CCSER1: variants seen among roughly 807,000 people sequenced by gnomAD.
The protein encoded by CCSER1 is serine-rich coiled-coil domain-containing protein 1.
In CCSER1, 41 loss-of-function variants were observed where a neutral mutation model predicts 82.0. The observed-to-expected ratio is 0.50, with a 90% CI of 0.39 to 0.65. The LOEUF is 0.65. Ranked by LOEUF, CCSER1 falls within the 30% of genes least tolerant of loss-of-function variation. The pLI is 0.00. For missense variants in CCSER1, 1,119 were observed against 1,064.2 expected, an observed-to-expected ratio of 1.05 and a Z score of -0.72; for synonymous variants, 414 against 383.9, an observed-to-expected ratio of 1.08 and a Z score of -0.92.
chr4:90,948,644 G>A (rs1732546077), intron 9 of CCSER1, among the ~76,000 whole-genome samples: 1 of 151,906 alleles, frequency 6.6e-6, no homozygotes, highest in Non-Finnish European at 1.5e-5. Flanking sequence ...TGTAGATTCT[G>A]AAATTTTAAG....
chr4:90,463,540 A>C (rs1349763359), intron 4 of CCSER1, among the ~76,000 whole-genome samples: 5 of 152,208 alleles, frequency 3.3e-5, no homozygotes, highest in Non-Finnish European at 7.4e-5. Flanking sequence ...TTTGTTAAAT[A>C]ATGTATTCTT....
chr4:90,815,730 C>T, intron 7 of CCSER1, 32 bp from the exon 8 acceptor site: 1 of 1,487,910 alleles, frequency 6.7e-7, no homozygotes, highest in Non-Finnish European at 9.2e-7. Context: ...AAGGGCTAAG[C>T]CTATTATGCT....
At chr4:91,540,115 A>G (rs1761511335) in intron 10 of CCSER1, among the ~76,000 whole-genome samples, 1 of 152,122 alleles carries the variant, frequency 6.6e-6, no homozygotes, top group African/African-American at 2.4e-5. Context: ...AGAAAATTGA[A>G]TGAAAACTAT....
At chr4:90,651,186 T>C (rs1427582861) in intron 6 of CCSER1, among the ~76,000 whole-genome samples, 1 of 152,186 alleles carries the variant, frequency 6.6e-6, no homozygotes, top group African/African-American at 2.4e-5. Context: ...TTCTATTTCA[T>C]GGAAAATAAA....
At chr4:90,637,360 A>T (rs538813040) in intron 6 of CCSER1, among the ~76,000 whole-genome samples, 1 of 152,178 alleles carries the variant, frequency 6.6e-6, no homozygotes, top group Non-Finnish European at 1.5e-5. Context: ...CAAAATGCAC[A>T]ATGTCTTTTG....
intron 7 of CCSER1, among the ~76,000 whole-genome samples, chr4:90,728,692 A>G (rs537184934): frequency 1.3e-5 from 2 of 152,190 alleles, no homozygotes; most frequent in South Asian, 4.2e-4. Flanking sequence ...CATATATTCT[A>G]CCATGAAATA....
At chr4:90,687,900 C>G (rs533906249) in intron 6 of CCSER1, among the ~76,000 whole-genome samples, 1 of 152,118 alleles carries the variant, frequency 6.6e-6, no homozygotes, top group African/African-American at 2.4e-5. Flanking sequence ...AAATAATTTT[C>G]GGATACCTGC....
At chr4:90,525,469 A>T (rs1009694370) in intron 5 of CCSER1, among the ~76,000 whole-genome samples, 4 of 152,166 alleles carry the variant, frequency 2.6e-5, no homozygotes, top group African/African-American at 9.7e-5. Context: ...CTTCAGGCTC[A>T]TTATAAAAAC....
chr4:90,602,369 C>T (rs1784130655), intron 5 of CCSER1, among the ~76,000 whole-genome samples: 1 of 152,000 alleles, frequency 6.6e-6, no homozygotes, highest in South Asian at 2.1e-4. Context: ...TATCACCTTT[C>T]ATTATTTTAT....
At chr4:91,535,311 C>CA (rs1033386308) in intron 10 of CCSER1, among the ~76,000 whole-genome samples, 1 of 151,518 alleles carries the variant, frequency 6.6e-6, no homozygotes. Context: ...TTAATTTAAC[C>CA]AAAAAAACTT....
At chr4:90,790,536 G>C (rs1189621498) in intron 7 of CCSER1, among the ~76,000 whole-genome samples, 1 of 123,802 alleles carries the variant, frequency 8.1e-6, no homozygotes, top group African/African-American at 3.6e-5. Context: ...TGACCATTGG[G>C]ATTCTGGATA....
At chr4:91,156,573 A>G (rs941578543) in intron 10 of CCSER1, among the ~76,000 whole-genome samples, 2 of 151,638 alleles carry the variant, frequency 1.3e-5, no homozygotes, top group African/African-American at 4.8e-5. Context: ...AAGTTAAAAG[A>G]ATTAAATTTT....
chr4:91,595,153 C>T (rs1206176087), intron 10 of CCSER1, among the ~76,000 whole-genome samples: 2 of 152,076 alleles, frequency 1.3e-5, no homozygotes, highest in Non-Finnish European at 2.9e-5. Context: ...AGACTCCCAC[C>T]GACTTGCCTG....
intron 10 of CCSER1, among the ~76,000 whole-genome samples, chr4:91,304,769 TA>T (rs1744926797): frequency 6.6e-6 from 1 of 152,090 alleles, no homozygotes; most frequent in South Asian, 2.1e-4. Context: ...GAAACATATG[TA>T]TTTATTATTT....
At position 91,043,480 on chromosome 4, in the gene CCSER1, T is replaced by C. The variant is rs1277307078; in HGVS notation, c.2173-42470T>C. 5.9e-5 allele frequency among the ~76,000 whole-genome samples: 9 copies of C among 151,740 alleles called. No homozygotes were observed. In the East Asian group the frequency reaches 1.7e-3, roughly 29 times the overall value. ...CAAATGCACAGTCCACATACAAATA[T>C]ATAATTTTAAATTTGCAGAAAGTAA... On this transcript the variant is annotated intron_variant, in intron 9 of 10. Transcript: ENST00000509176.
chr4:91,427,818 A>G (rs1284676673), intron 10 of CCSER1, among the ~76,000 whole-genome samples: 3 of 152,116 alleles, frequency 2.0e-5, no homozygotes, highest in East Asian at 3.8e-4. Flanking sequence ...AAAATAACTG[A>G]CATGGAATTT....
rs541918534 is a variant in CCSER1 at position 90,403,356 on chromosome 4, G to A, written c.1603+3227G>A. On this transcript the variant is annotated intron_variant, in intron 4 of 10. Coordinates refer to ENST00000509176, the MANE Select transcript of CCSER1 (RefSeq NM_001145065.2). ...CTACTAAAAATACAAAAAATTAGCC[G>A]GGCGTAGTGGCGGGCGCCTGTAGTC... Among the ~76,000 whole-genome samples the A allele has an allele frequency of 5.8e-4, 88 of 151,436 alleles. No individual in the cohort carries two copies. The East Asian group carries it at 6.4e-3, about 11-fold the overall frequency.
chr4:90,640,294 C>G (rs1317037560), intron 6 of CCSER1, among the ~76,000 whole-genome samples: 1 of 151,834 alleles, frequency 6.6e-6, no homozygotes, highest in African/African-American at 2.4e-5. Flanking sequence ...TGGCATTGGT[C>G]TATGAATGTG....
chr4:91,017,392 G>A (rs976086404), intron 9 of CCSER1: 8 of 152,138 alleles, frequency 5.3e-5, no homozygotes, highest in Admixed American at 3.3e-4. Context: ...TTGAATTTAT[G>A]CAGGAAAAGT....
Sources: gnomAD v4.1 joint callset for allele counts (sites outside exome capture counted in the v4.1 genomes callset) on GRCh38, gnomAD v4.1.1 for gene constraint, MANE v1.5 for transcripts, NCBI Gene and HGNC (gene_info 2026-07-23, HGNC 2026-07-21) for gene names.